The following NRG3 variants were observed in gnomAD, a reference collection of about 807,000 sequenced individuals.
NRG3 encodes the protein pro-neuregulin-3, membrane-bound isoform.
NRG3 carries 31 observed loss-of-function variants against 66.9 expected under a neutral mutation model. The ratio of observed to expected loss-of-function variants is 0.46; its 90% CI spans 0.35 to 0.63. The LOEUF is 0.63. NRG3 is among the 20% of genes least tolerant of loss of function. NRG3 has a pLI of 0.00. For synonymous variants in NRG3, 393 were observed against 359.4 expected, an observed-to-expected ratio of 1.09 and a Z score of -1.06; for missense variants, 910 against 878.9, an observed-to-expected ratio of 1.04 and a Z score of -0.45.
chr10:82,856,064 G>T (rs1290707370), intron 3 of NRG3, among the ~76,000 whole-genome samples: 1 of 152,128 alleles, frequency 6.6e-6, no homozygotes. Context: ...TGTGGATATC[G>T]TTTTTCAATA....
intron 6 of NRG3, among the ~76,000 whole-genome samples, chr10:82,966,287 C>T (rs925435257): frequency 2.0e-5 from 3 of 152,096 alleles, no homozygotes; most frequent in South Asian, 2.1e-4. Context: ...CTTAGGTTCC[C>T]CTTACCTGTG....
intron 3 of NRG3, among the ~76,000 whole-genome samples, chr10:82,838,739 C>T (rs942153465): frequency 1.9e-4 from 29 of 152,062 alleles, no homozygotes; most frequent in Middle Eastern, 3.4e-3. Context: ...TACACACACA[C>T]ATATATATTT....
At chr10:82,750,976 A>G (rs1377921883) in intron 3 of NRG3, among the ~76,000 whole-genome samples, 1 of 152,142 alleles carries the variant, frequency 6.6e-6, no homozygotes, top group Non-Finnish European at 1.5e-5. Flanking sequence ...GGGTAAAATC[A>G]TTGCATTAAG....
rs544867779 is a variant in NRG3, at chr10:81,884,676, C to A, written c.823+8513C>A. Among the ~76,000 whole-genome samples, 5 of 152,224 alleles carry A rather than the reference C, an allele frequency of 3.3e-5. No homozygotes were observed. In the South Asian group the frequency reaches 8.3e-4, roughly 25 times the overall value. ...TGGGAGGCTATCCTTAGGTTATATGCAAATACCAGGCCATTTTATGTAAAA... is the reference window on the plus strand; with the variant it reads ...TGGGAGGCTATCCTTAGGTTATATGAAAATACCAGGCCATTTTATGTAAAA... On this transcript the variant is annotated intron_variant, in intron 1 of 8. Coordinates refer to ENST00000372141, the MANE Select transcript of NRG3 (RefSeq NM_001010848.4).
intron 1 of NRG3, among the ~76,000 whole-genome samples, chr10:82,244,768 C>G (rs1030933243): frequency 2.6e-5 from 4 of 152,092 alleles, no homozygotes; most frequent in African/African-American, 9.7e-5. Context: ...GAGTCTTGCT[C>G]TGTCACCCAG....
At chr10:82,286,735 G>A (rs2079439790) in intron 1 of NRG3, among the ~76,000 whole-genome samples, 1 of 152,088 alleles carries the variant, frequency 6.6e-6, no homozygotes, top group South Asian at 2.1e-4. Flanking sequence ...CTACAGGAAT[G>A]TGCCACCATG....
chr10:82,572,576 A>T (rs1253681087), intron 2 of NRG3, among the ~76,000 whole-genome samples: 1 of 150,868 alleles, frequency 6.6e-6, no homozygotes, highest in African/African-American at 2.4e-5. Flanking sequence ...TAAAAGAAAA[A>T]TTCAATCAGG....
chr10:82,558,103 T>C lies in NRG3; in HGVS notation c.954-180474T>C, dbSNP rs945591445. Among the ~76,000 whole-genome samples the C allele has an allele frequency of 5.9e-5, 9 of 152,158 alleles. No homozygotes were observed. In the East Asian group the frequency reaches 1.3e-3, roughly 23 times the overall value. On this transcript the variant is annotated intron_variant, in intron 2 of 8. Transcript: ENST00000372141. ...TTCTAACAAAGGAGTAGAAACAATC[T>C]CACAAGAGAGAAATGCATTGCAAAT... is the stretch of plus-strand genomic sequence containing the variant.
At chr10:82,237,486 T>A (rs1354919311) in intron 1 of NRG3, among the ~76,000 whole-genome samples, 1 of 152,340 alleles carries the variant, frequency 6.6e-6, no homozygotes, top group East Asian at 1.9e-4. Flanking sequence ...TTGACATTCC[T>A]ATTACTTTGT....
chr10:82,844,941 G>A (rs2135781937), intron 3 of NRG3, among the ~76,000 whole-genome samples: 1 of 152,160 alleles, frequency 6.6e-6, no homozygotes, highest in Admixed American at 6.5e-5. Flanking sequence ...GATCACTTGA[G>A]GTCAGGAGCT....
rs531159893 is a variant in NRG3, at chr10:82,368,488, C to T, written c.953+9620C>T. ...GAGGCCACCTTTTGTTAGGGGAATG[C>T]TCCCTTTTGACAGTTCCTGAAGAAA... On this transcript the variant is annotated intron_variant, in intron 2 of 8. Coordinates refer to ENST00000372141, the MANE Select transcript of NRG3 (RefSeq NM_001010848.4). Among the ~76,000 whole-genome samples, 4 of 138,494 alleles carry T rather than the reference C, an allele frequency of 2.9e-5. 1 individual carries two copies. The East Asian group carries it at 8.6e-4, about 30-fold the overall frequency. The allele number at this position is 138,494 out of a possible 152,430, so 90.9% of individuals were successfully genotyped here.
intron 2 of NRG3, among the ~76,000 whole-genome samples, chr10:82,452,633 T>C (rs2091071172): frequency 1.3e-5 from 2 of 152,164 alleles, no homozygotes; most frequent in Non-Finnish European, 1.5e-5. Flanking sequence ...TGGATCAAAA[T>C]GTGCTTGTGA....
At chr10:82,463,468 G>A (rs1040162567) in intron 2 of NRG3, among the ~76,000 whole-genome samples, 8 of 152,204 alleles carry the variant, frequency 5.3e-5, no homozygotes, top group African/African-American at 1.7e-4. Context: ...CTATACAGCA[G>A]CAAGTGGAAG....
At chr10:82,474,896 A>G (rs1415749372) in intron 2 of NRG3, among the ~76,000 whole-genome samples, 1 of 152,108 alleles carries the variant, frequency 6.6e-6, no homozygotes, top group Non-Finnish European at 1.5e-5. Flanking sequence ...CAGGTATGAT[A>G]ATTCCTTCTA....
chr10:81,974,868 G>A (rs2060060685), intron 1 of NRG3, among the ~76,000 whole-genome samples: 1 of 152,064 alleles, frequency 6.6e-6, no homozygotes, highest in African/African-American at 2.4e-5. Flanking sequence ...TTATGTATAA[G>A]GAAGCTAGTG....
chr10:82,539,109 G>T (rs1407481591), intron 2 of NRG3, among the ~76,000 whole-genome samples: 1 of 152,196 alleles, frequency 6.6e-6, no homozygotes, highest in Non-Finnish European at 1.5e-5. Flanking sequence ...TGAAACTATA[G>T]TGATACAGCC....
At chr10:82,898,277 C>A (rs1843854889) in intron 4 of NRG3, among the ~76,000 whole-genome samples, 1 of 152,174 alleles carries the variant, frequency 6.6e-6, no homozygotes, top group Non-Finnish European at 1.5e-5. Context: ...ACTCCCAAAC[C>A]CCCTCACAGT....
At chr10:82,935,303 A>G (rs995016997) in intron 4 of NRG3, among the ~76,000 whole-genome samples, 20 of 152,268 alleles carry the variant, frequency 1.3e-4, no homozygotes, top group South Asian at 4.1e-4. Context: ...CATTTCTTTC[A>G]TATGATTTCT....
At chr10:82,010,735 C>T (rs1047351645) in intron 1 of NRG3, among the ~76,000 whole-genome samples, 2 of 152,162 alleles carry the variant, frequency 1.3e-5, no homozygotes, top group Admixed American at 1.3e-4. Context: ...CTACCTGCCT[C>T]ACACTGCTGA....
Sources: gnomAD v4.1 joint callset for allele counts (sites outside exome capture counted in the v4.1 genomes callset) on GRCh38, gnomAD v4.1.1 for gene constraint, MANE v1.5 for transcripts, NCBI Gene and HGNC (gene_info 2026-07-23, HGNC 2026-07-21) for gene names.